The following NDST3 variants were observed in gnomAD, a reference collection of about 807,000 sequenced individuals.
The protein encoded by NDST3 is bifunctional heparan sulfate N-deacetylase/N-sulfotransferase 3.
A neutral mutation model predicts 96.1 loss-of-function variants in NDST3; 58 were observed. That is an observed-to-expected ratio of 0.60 (90% CI 0.49 to 0.75). NDST3 has a LOEUF of 0.75. Ranked by LOEUF, NDST3 falls within the 30% of genes least tolerant of loss-of-function variation. The pLI is 0.00. For synonymous variants in NDST3, 333 were observed against 359.7 expected (o/e 0.93, Z 0.84); for missense variants, 788 against 1,034.2 (o/e 0.76, Z 3.27).
At chr4:118,192,980 T>G (rs1225872749) in intron 6 of NDST3, among the ~76,000 whole-genome samples, 1 of 152,074 alleles carries the variant, frequency 6.6e-6, no homozygotes, top group East Asian at 1.9e-4. Context: ...AACACCCACA[T>G]GGAGGCCACA....
At chr4:118,035,816 G>C in intron 1 of NDST3, among the ~76,000 whole-genome samples, 1 of 151,752 alleles carries the variant, frequency 6.6e-6, no homozygotes, top group South Asian at 2.1e-4. Flanking sequence ...TGTTAATTTT[G>C]AGCTTGTCAC....
chr4:118,159,682 T>A (rs904947168), intron 6 of NDST3, among the ~76,000 whole-genome samples: 18 of 151,856 alleles, frequency 1.2e-4, no homozygotes, highest in African/African-American at 4.1e-4. Context: ...GAAAAATGGA[T>A]GAACAAAGTG....
intron 6 of NDST3, among the ~76,000 whole-genome samples, chr4:118,156,288 T>G (rs1197680722): frequency 6.6e-6 from 1 of 152,200 alleles, no homozygotes; most frequent in South Asian, 2.1e-4. Flanking sequence ...ATCATTTTTT[T>G]AAAGAAGACA....
In NDST3 at chr4:118,187,668, G is replaced by A. The variant is rs552216336; in HGVS notation, c.1540-36823G>A. Among the ~76,000 whole-genome samples, 63 of 152,182 alleles carry A rather than the reference G, an allele frequency of 4.1e-4. 4 individuals are homozygous for A. In the South Asian group the frequency reaches 0.013, roughly 32 times the overall value. ...AGCTCTATTGTTGTTAGAGACATAA[G>A]CAAGAAAAAATGAGAGATTAAGAGT... is the stretch of plus-strand genomic sequence containing the variant. On this transcript the variant is annotated intron_variant, in intron 6 of 13. Coordinates refer to ENST00000296499, the MANE Select transcript of NDST3 (RefSeq NM_004784.3).
chr4:118,178,989 T>C (rs1486751939), intron 6 of NDST3, among the ~76,000 whole-genome samples: 1 of 152,010 alleles, frequency 6.6e-6, no homozygotes, highest in African/African-American at 2.4e-5. Flanking sequence ...AGGTTAAATA[T>C]AAAGGACAGC....
rs577551573 is a variant in NDST3, at chr4:118,057,943, C to T, written c.981+3052C>T. ...AGTATTTGTTGCTAAAACGTAGAGTCCAAGAGTTAGATAGGGTGACCTAAC... is the reference window on the plus strand; with the variant it reads ...AGTATTTGTTGCTAAAACGTAGAGTTCAAGAGTTAGATAGGGTGACCTAAC... On this transcript the variant is annotated intron_variant, in intron 2 of 13. Coordinates refer to ENST00000296499, the MANE Select transcript of NDST3 (RefSeq NM_004784.3). 1.6e-4 allele frequency among the ~76,000 whole-genome samples: 24 copies of T among 151,762 alleles called. No individual in the cohort carries two copies. The Middle Eastern group carries it at 0.01, about 65-fold the overall frequency.
intron 6 of NDST3, among the ~76,000 whole-genome samples, chr4:118,222,116 T>G (rs1343254817): frequency 6.6e-6 from 1 of 152,002 alleles, no homozygotes; most frequent in Non-Finnish European, 1.5e-5. Flanking sequence ...AGCCTTTTCT[T>G]TGTTTCTTTC....
At chr4:118,109,309 G>C (rs879727532) in intron 3 of NDST3, among the ~76,000 whole-genome samples, 2 of 152,214 alleles carry the variant, frequency 1.3e-5, no homozygotes, top group Non-Finnish European at 2.9e-5. Context: ...GGTGTGTTTA[G>C]GGGGAGAGGG....
chr4:118,141,571 C>T (rs1487687452), intron 5 of NDST3, among the ~76,000 whole-genome samples: 1 of 152,128 alleles, frequency 6.6e-6, no homozygotes, highest in East Asian at 1.9e-4. Context: ...TATCTTTTTG[C>T]TTCTCTCTTC....
rs142301877 is a variant in NDST3 at position 118,145,697 on chromosome 4, G to A, written c.1539+2013G>A. Among the ~76,000 whole-genome samples the A allele has an allele frequency of 1.6e-4, 25 of 152,236 alleles. No homozygotes were observed. The East Asian group carries it at 4.8e-3, about 29-fold the overall frequency. ...ATGATATTTGGCAATTTTATGTCTT[G>A]AGGAGGAGATTCATAAGAATAAAGG... On this transcript the variant is annotated intron_variant, in intron 6 of 13. Coordinates refer to ENST00000296499, the MANE Select transcript of NDST3 (RefSeq NM_004784.3).
chr4:118,168,863 A>C (rs770885570), intron 6 of NDST3, among the ~76,000 whole-genome samples: 4 of 152,222 alleles, frequency 2.6e-5, no homozygotes, highest in Non-Finnish European at 4.4e-5. Context: ...AAGTGAAATA[A>C]GTCAGTCACA....
intron 12 of NDST3, among the ~76,000 whole-genome samples, chr4:118,242,498 C>T (rs1277168292): frequency 6.6e-6 from 1 of 152,140 alleles, no homozygotes; most frequent in Admixed American, 6.5e-5. Flanking sequence ...GAAGTATGAA[C>T]AGGTGAGTAA....
intron 6 of NDST3, among the ~76,000 whole-genome samples, chr4:118,213,368 C>A (rs1331436089): frequency 6.6e-6 from 1 of 152,154 alleles, no homozygotes. Flanking sequence ...TTAAAATATG[C>A]ATTCGGTTGG....
chr4:118,195,479 T>C lies in NDST3; in HGVS notation c.1540-29012T>C, dbSNP rs139421807. ...CTTCTTCTTTGCCTTCTGCCATGAT[T>C]GTGAGGCCTTCCCAGCCTTGTGGAA... On this transcript the variant is annotated intron_variant, in intron 6 of 13. Transcript: ENST00000296499. 4.1e-3 allele frequency among the ~76,000 whole-genome samples: 620 copies of C among 152,340 alleles called. 6 individuals are homozygous for C. Among genetic ancestry groups the C allele is most frequent in the African/African-American group, 0.014 (599 of 41,582 alleles).
At chr4:118,161,651 T>C (rs1012893271) in intron 6 of NDST3, among the ~76,000 whole-genome samples, 1 of 152,110 alleles carries the variant, frequency 6.6e-6, no homozygotes, top group Non-Finnish European at 1.5e-5. Context: ...TCAGCGAGAC[T>C]CCATGGGTGT....
Position 118,199,411 on chromosome 4 carries a change from A to G in NDST3, c.1540-25080A>G, listed in dbSNP as rs532007673. Among the ~76,000 whole-genome samples the G allele has an allele frequency of 5.3e-5, 8 of 152,188 alleles. No homozygotes were observed. In the East Asian group the frequency reaches 1.5e-3, roughly 29 times the overall value. ...CAGAATTTCTGCATGATCCTTTTTA[A>G]TTATTTTAATCTCTTTGTCAAATTC... is the stretch of plus-strand genomic sequence containing the variant. On this transcript the variant is annotated intron_variant, in intron 6 of 13. Coordinates refer to ENST00000296499, the MANE Select transcript of NDST3 (RefSeq NM_004784.3).
intron 12 of NDST3, among the ~76,000 whole-genome samples, chr4:118,251,013 A>C (rs1427060125): frequency 1.3e-5 from 2 of 150,698 alleles, no homozygotes; most frequent in African/African-American, 2.4e-5. Flanking sequence ...TCTTTGCCTA[A>C]CCCAAGGTTG....
Position 118,138,070 on chromosome 4 carries a change from C to G in NDST3, c.1241C>G (p.Thr414Arg). Reference sequence around the variant, plus strand: ...TGGTCTTAGGAGCACGGCATTCCAACGGACATGGGCTACGCTGTGGCCCCT... The same window carrying G: ...TGGTCTTAGGAGCACGGCATTCCAAGGGACATGGGCTACGCTGTGGCCCCT... ...KKFALEHGIPTDMGYAVAPHH... is the reference protein window; with the variant it reads ...KKFALEHGIPRDMGYAVAPHH... Residue 414 changes from threonine to arginine, a missense_variant, in exon 5 of 14, where the codon ACG (threonine) becomes AGG (arginine). Thr to Arg is a moderately conservative substitution (Grantham distance 71). This residue lies in a region of NDST3 where 490 missense variants were observed against 708.8 expected (regional missense o/e 0.69). Coordinates refer to ENST00000296499, the MANE Select transcript of NDST3 (RefSeq NM_004784.3). 1 of 1,606,950 alleles carries G rather than the reference C, an allele frequency of 6.2e-7. No individual in the cohort carries two copies. Among genetic ancestry groups the G allele is most frequent in the Non-Finnish European group, 8.5e-7 (1 of 1,177,060 alleles).
chr4:118,240,377 T>C, intron 10 of NDST3, 147 bp from the exon 11 acceptor site: 1 of 600,258 alleles, frequency 1.7e-6, no homozygotes. Flanking sequence ...CAAGCAAACA[T>C]TTTCTTCCTT....
Sources: gnomAD v4.1 joint callset for allele counts (sites outside exome capture counted in the v4.1 genomes callset) on GRCh38, gnomAD v4.1.1 for gene constraint, gnomAD v4.1.1 regional missense constraint, MANE v1.5 for transcripts, NCBI Gene and HGNC (gene_info 2026-07-23, HGNC 2026-07-21) for gene names.